Variants in RNF125 observed in about 807,000 individuals in gnomAD.
RNF125 encodes the protein E3 ubiquitin-protein ligase RNF125.
A neutral mutation model predicts 26.0 loss-of-function variants in RNF125; 21 were observed. The ratio of observed to expected loss-of-function variants is 0.81; its 90% CI spans 0.57 to 1.16. The LOEUF (loss-of-function observed/expected upper bound fraction) is 1.16, where lower values mean the gene tolerates loss of function less well. Ranked by LOEUF, RNF125 falls within the 50% of genes most tolerant of loss-of-function variation. The pLI is 0.00. For missense variants in RNF125, 270 were observed against 299.4 expected (o/e 0.90, Z 0.72); for synonymous variants, 95 against 109.2 (o/e 0.87, Z 0.81).
the RNF125 span, among the ~76,000 whole-genome samples, chr18:32,089,384 C>A: frequency 6.6e-6 from 1 of 152,188 alleles, no homozygotes; most frequent in Non-Finnish European, 1.5e-5. Flanking sequence ...CTGAGGGAAG[C>A]CCACTGAGAG....
At chr18:32,081,316 C>T in the RNF125 span, among the ~76,000 whole-genome samples, 4 of 151,738 alleles carry the variant, frequency 2.6e-5, no homozygotes, top group African/African-American at 9.7e-5. Context: ...TTCTATGACA[C>T]CCAGTTTAGG....
intron 4 of RNF125, among the ~76,000 whole-genome samples, chr18:32,049,076 G>A (rs1419442624): frequency 6.6e-6 from 1 of 152,176 alleles, no homozygotes; most frequent in Non-Finnish European, 1.5e-5. Flanking sequence ...GCCGTGTACT[G>A]GTCAGTTCCG....
intron 3 of RNF125, among the ~76,000 whole-genome samples, chr18:32,044,311 TATA>T (rs1399637335): frequency 6.6e-6 from 1 of 152,188 alleles, no homozygotes; most frequent in African/African-American, 2.4e-5. Context: ...GGCCTAGAAA[TATA>T]ATGTTAATCA....
At chr18:32,080,392 T>TAA in the RNF125 span, among the ~76,000 whole-genome samples, 1 of 152,204 alleles carries the variant, frequency 6.6e-6, no homozygotes, top group South Asian at 2.1e-4. Flanking sequence ...ACACTCTTAC[T>TAA]AATGTATGCA....
chr18:32,037,936 C>T (rs981155282), intron 2 of RNF125, among the ~76,000 whole-genome samples: 11 of 152,106 alleles, frequency 7.2e-5, no homozygotes, highest in Non-Finnish European at 1.3e-4. Context: ...GCTGGCCACC[C>T]CAGCTAGCAG....
At chr18:32,046,214 C>CAAAAAAA (rs768054716) in intron 4 of RNF125, among the ~76,000 whole-genome samples, 6 of 76,168 alleles carry the variant, frequency 7.9e-5, no homozygotes, top group African/African-American at 2.3e-4. Flanking sequence ...AAGACTGTCT[C>CAAAAAAA]AAAAAAAAAA....
chr18:32,024,978 C>T (rs759333044), intron 1 of RNF125, among the ~76,000 whole-genome samples: 18 of 152,050 alleles, frequency 1.2e-4, no homozygotes, highest in East Asian at 3.9e-4. Context: ...GTGGGAGAAT[C>T]GCTTGAACCT....
intron 1 of RNF125, among the ~76,000 whole-genome samples, chr18:32,026,174 C>T (rs556244163): frequency 1.9e-4 from 28 of 149,170 alleles, no homozygotes; most frequent in Non-Finnish European, 2.5e-4. Flanking sequence ...AAGCGATTCT[C>T]GTGCCTCAGC....
the RNF125 span, among the ~76,000 whole-genome samples, chr18:32,086,948 G>C: frequency 6.6e-6 from 1 of 152,042 alleles, no homozygotes. Context: ...CACCATGCCT[G>C]GCCTTGTCTT....
chr18:32,040,382 C>T (rs772063319), intron 2 of RNF125, among the ~76,000 whole-genome samples: 1 of 150,906 alleles, frequency 6.6e-6, no homozygotes, highest in African/African-American at 2.4e-5. Flanking sequence ...AGCACTTCTC[C>T]TGTCTCAGCC....
chr18:32,088,839 G>A, the RNF125 span, among the ~76,000 whole-genome samples: 3 of 152,108 alleles, frequency 2.0e-5, no homozygotes, highest in African/African-American at 7.2e-5. Context: ...AGCAAGAAGT[G>A]GCAAGGGGAA....
chr18:32,042,274 G>T lies in RNF125; in HGVS notation c.413+1G>T. On this transcript the variant is annotated splice_donor_variant, in intron 3 of 5. Coordinates refer to ENST00000217740, the MANE Select transcript of RNF125 (RefSeq NM_017831.4). LOFTEE classifies it high-confidence loss of function. ...AAGAACTTGAGGAGACAGCAGCAAG[G>T]TTTGTTTCAATACAATATAGTTTAA... 1 of 1,595,424 alleles carries T rather than the reference G, an allele frequency of 6.3e-7. No homozygotes were observed. Among genetic ancestry groups the T allele is most frequent in the Non-Finnish European group, 8.6e-7 (1 of 1,164,154 alleles).
intron 1 of RNF125, among the ~76,000 whole-genome samples, chr18:32,027,775 T>G (rs2039051505): frequency 6.6e-6 from 1 of 152,130 alleles, no homozygotes; most frequent in South Asian, 2.1e-4. Flanking sequence ...AACAGATTAA[T>G]GGGATAAAAG....
chr18:32,065,005 G>A (rs1253662187), intron 4 of RNF125, among the ~76,000 whole-genome samples: 1 of 152,164 alleles, frequency 6.6e-6, no homozygotes, highest in African/African-American at 2.4e-5. Flanking sequence ...TGTATTAATT[G>A]TAATATTGTT....
At chr18:32,059,099 T>C (rs2039412539) in intron 4 of RNF125, among the ~76,000 whole-genome samples, 1 of 152,246 alleles carries the variant, frequency 6.6e-6, no homozygotes, top group Non-Finnish European at 1.5e-5. Context: ...CGGATATTTC[T>C]TGAATATACT....
chr18:32,021,484 G>A (rs539189821), intron 1 of RNF125, among the ~76,000 whole-genome samples: 1 of 152,322 alleles, frequency 6.6e-6, no homozygotes, highest in African/African-American at 2.4e-5. Flanking sequence ...CTGTCCAGAT[G>A]TAGCTTATTA....
intron 4 of RNF125, among the ~76,000 whole-genome samples, chr18:32,061,411 T>C (rs1347281897): frequency 6.6e-6 from 1 of 152,222 alleles, no homozygotes; most frequent in Non-Finnish European, 1.5e-5. Context: ...GACATCTCTG[T>C]ACCTCTGACT....
intron 4 of RNF125, among the ~76,000 whole-genome samples, chr18:32,061,718 A>C (rs2039436641): frequency 6.6e-6 from 1 of 152,176 alleles, no homozygotes; most frequent in Admixed American, 6.5e-5. Context: ...CCTTGGGCAA[A>C]ATTAGTAATT....
rs555214719 is a variant in RNF125 at position 32,039,012 on chromosome 18, C to T, written c.318+1743C>T. 1.5e-4 allele frequency among the ~76,000 whole-genome samples: 22 copies of T among 151,704 alleles called. No individual in the cohort carries two copies. In the South Asian group the frequency reaches 1.7e-3, roughly 11 times the overall value. On this transcript the variant is annotated intron_variant, in intron 2 of 5. Transcript: ENST00000217740. Reference sequence around the variant, plus strand: ...AACTCCTGACCTCAGGCGATCTGCCCGCCTCGGACTCCCAAAGTGCTGGGA... The same window carrying T: ...AACTCCTGACCTCAGGCGATCTGCCTGCCTCGGACTCCCAAAGTGCTGGGA...
Sources: allele counts gnomAD v4.1 joint callset (sites outside exome capture counted in the v4.1 genomes callset), GRCh38; gene constraint gnomAD v4.1.1; transcripts MANE v1.5; gene names NCBI Gene and HGNC (gene_info 2026-07-23, HGNC 2026-07-21).